Variants in SSBP3 observed in about 807,000 individuals in gnomAD.
SSBP3 encodes the protein single stranded DNA binding protein 3.
SSBP3 carries 5 observed loss-of-function variants against 69.6 expected under a neutral mutation model. That is an observed-to-expected ratio of 0.07 (90% CI 0.04 to 0.15). SSBP3 has a LOEUF of 0.15. SSBP3 is among the 10% of genes least tolerant of loss of function. The pLI, the probability that SSBP3 is intolerant of heterozygous loss-of-function variation, is 1.00. For missense variants in SSBP3, 312 were observed against 534.0 expected (o/e 0.58, Z 4.10); for synonymous variants, 196 against 193.4 (o/e 1.01, Z -0.11).
intron 4 of SSBP3, among the ~76,000 whole-genome samples, chr1:54,359,511 C>A (rs2100624494): frequency 6.6e-6 from 1 of 152,296 alleles, no homozygotes; most frequent in East Asian, 1.9e-4. Flanking sequence ...AGGATTCCTA[C>A]AGAGGACATG....
At chr1:54,394,397 T>C (rs531886671) in intron 4 of SSBP3, among the ~76,000 whole-genome samples, 23 of 148,668 alleles carry the variant, frequency 1.5e-4, no homozygotes, top group East Asian at 2.1e-4. Context: ...CCCAACTCCA[T>C]ACTGACTGTA....
chr1:54,297,411 C>T (rs981669627), intron 4 of SSBP3, among the ~76,000 whole-genome samples: 1 of 152,204 alleles, frequency 6.6e-6, no homozygotes, highest in African/African-American at 2.4e-5. Context: ...GGGCGGATCA[C>T]TTGAGGTCAG....
intron 4 of SSBP3, among the ~76,000 whole-genome samples, chr1:54,357,019 A>AG (rs1179661829): frequency 6.7e-6 from 1 of 150,314 alleles, no homozygotes; most frequent in Non-Finnish European, 1.5e-5. Flanking sequence ...TTCTGGGTGG[A>AG]GGGAACAGGG....
intron 4 of SSBP3, among the ~76,000 whole-genome samples, chr1:54,302,925 C>A (rs886950285): frequency 1.4e-4 from 21 of 152,150 alleles, no homozygotes; most frequent in Non-Finnish European, 1.5e-5. Flanking sequence ...CAGTGCTAGG[C>A]CCTACTGGGG....
chr1:54,225,477 C>G (rs963225954), exon 18 of SSBP3: 6 of 1,151,274 alleles, frequency 5.2e-6, no homozygotes, highest in Non-Finnish European at 6.6e-6. Context: ...CAACATATAT[C>G]GTACACAAAC....
At chr1:54,365,117 C>T (rs1377006429) in intron 4 of SSBP3, among the ~76,000 whole-genome samples, 3 of 152,094 alleles carry the variant, frequency 2.0e-5, no homozygotes, top group African/African-American at 7.2e-5. Flanking sequence ...TTTTTGCACC[C>T]GCACCAGGAA....
Position 54,227,183 on chromosome 1 carries a change from G to GGA in SSBP3, c.1138-24_1138-23insTC, listed in dbSNP as rs759632663. ...ATACTGGAAAGGAGAAGCAGAGAAG[G>GGA]GGGGGGGGTGAGGATTGTGGGGAGG... On this transcript the variant is annotated intron_variant, in intron 17 of 17. Transcript: ENST00000610401. 7.8e-6 allele frequency: 9 copies of GGA among 1,158,316 alleles called. No homozygotes were observed. The African/African-American group carries it at 1.1e-4, about 15-fold the overall frequency. 71.8% of individuals were successfully genotyped at this position (1,158,316 alleles called of 1,614,324 possible). A position where few individuals can be genotyped will look rare whatever the true frequency, so the allele number is the denominator to read the frequency against.
rs1557459711 is a variant in SSBP3, at chr1:54,249,692, C to T, written c.651+1924G>A. On this transcript the variant is annotated intron_variant, in intron 9 of 17. Transcript: ENST00000610401. ...AAATAAAGAATAAAAAACAATAAAA[C>T]TTTTTTTATTTTTTAAAAAATTTAA... Among the ~76,000 whole-genome samples, 6 of 140,988 alleles carry T rather than the reference C, an allele frequency of 4.3e-5. No homozygotes were observed. The South Asian group carries it at 1.4e-3, about 33-fold the overall frequency. 92.5% of individuals were successfully genotyped at this position (140,988 alleles called of 152,430 possible). A position where few individuals can be genotyped will look rare whatever the true frequency, so the allele number is the denominator to read the frequency against.
intron 4 of SSBP3, among the ~76,000 whole-genome samples, chr1:54,395,630 A>G (rs1648810108): frequency 6.6e-6 from 1 of 152,142 alleles, no homozygotes; most frequent in Non-Finnish European, 1.5e-5. Flanking sequence ...TGACTGTACT[A>G]TATTACTTAA....
At chr1:54,229,930 G>C (rs760692731) in intron 14 of SSBP3, among the ~76,000 whole-genome samples, 1 of 152,200 alleles carries the variant, frequency 6.6e-6, no homozygotes, top group Non-Finnish European at 1.5e-5. Context: ...TACAGCTGCG[G>C]CTTCAGAGCA....
At chr1:54,228,650 G>A (rs769993105) in intron 15 of SSBP3, 98 bp downstream of exon 15, 14 of 1,488,172 alleles carry the variant, frequency 9.4e-6, no homozygotes, top group South Asian at 1.3e-5. Flanking sequence ...AGCCAAGGCC[G>A]GCCAGGGCTC....
At chr1:54,330,418 C>T (rs12408169) in intron 4 of SSBP3, among the ~76,000 whole-genome samples, 8,214 of 152,250 alleles carry the variant, frequency 0.054, 305 homozygotes, top group South Asian at 0.13. Flanking sequence ...CCTCCACGGC[C>T]ATCCATTCCC....
At chr1:54,307,055 G>A (rs1433456271) in intron 4 of SSBP3, among the ~76,000 whole-genome samples, 8 of 152,106 alleles carry the variant, frequency 5.3e-5, no homozygotes, top group Non-Finnish European at 1.2e-4. Flanking sequence ...GGAAGGCCAG[G>A]CCTCAACACA....
chr1:54,347,662 G>C (rs1305955982), intron 4 of SSBP3, among the ~76,000 whole-genome samples: 1 of 152,216 alleles, frequency 6.6e-6, no homozygotes, highest in African/African-American at 2.4e-5. Flanking sequence ...CTGATGCAAT[G>C]ACTGGTATCC....
At chr1:54,255,565 C>T (rs1001211373) in intron 7 of SSBP3, 1 of 152,176 alleles carries the variant, frequency 6.6e-6, no homozygotes, top group Admixed American at 6.5e-5. Flanking sequence ...TCCAGCCCAG[C>T]TCACTTTGGG....
intron 5 of SSBP3, among the ~76,000 whole-genome samples, chr1:54,263,436 C>T (rs940447918): frequency 5.3e-5 from 8 of 152,206 alleles, no homozygotes; most frequent in Non-Finnish European, 1.0e-4. Flanking sequence ...CTCTGAGCCT[C>T]ACTGCCCTCA....
intron 14 of SSBP3, chr1:54,238,663 G>C: frequency 3.2e-6 from 1 of 312,546 alleles, no homozygotes; most frequent in South Asian, 3.2e-5. Flanking sequence ...GGTATTGGGA[G>C]TTCCAGAGCT....
intron 5 of SSBP3, among the ~76,000 whole-genome samples, chr1:54,265,684 C>T (rs1645089510): frequency 6.6e-6 from 1 of 152,196 alleles, no homozygotes; most frequent in Admixed American, 6.5e-5. Flanking sequence ...TTAGAGAAAG[C>T]AGGAATGTAC....
intron 1 of SSBP3, among the ~76,000 whole-genome samples, chr1:54,411,891 C>CAAAAAA (rs71066917): frequency 1.1e-5 from 1 of 88,022 alleles, no homozygotes. Flanking sequence ...GACTCCGTCT[C>CAAAAAA]AAAAAAAAAA....
Sources: gnomAD v4.1 joint callset for allele counts (sites outside exome capture counted in the v4.1 genomes callset) on GRCh38, gnomAD v4.1.1 for gene constraint, MANE v1.5 for transcripts, NCBI Gene and HGNC (gene_info 2026-07-23, HGNC 2026-07-21) for gene names.